DMRT1: variants seen among roughly 807,000 people sequenced by gnomAD.
DMRT1 encodes the protein doublesex and mab-3 related transcription factor 1.
Under a neutral mutation model 32.3 loss-of-function variants are expected in DMRT1, and 7 were observed. The observed-to-expected ratio is 0.22, with a 90% CI of 0.12 to 0.41. DMRT1 has a LOEUF of 0.41. Ranked by LOEUF, DMRT1 falls within the 10% of genes least tolerant of loss-of-function variation. The pLI, the probability that DMRT1 is intolerant of heterozygous loss-of-function variation, is 1.00. For synonymous variants in DMRT1, 278 were observed against 206.1 expected (o/e 1.35, Z -2.99); for missense variants, 625 against 500.5 (o/e 1.25, Z -2.37).
At chr9:941,338 C>CCCCCCCCCCA (rs1554760857) in intron 4 of DMRT1, among the ~76,000 whole-genome samples, 2 of 135,510 alleles carry the variant, frequency 1.5e-5, no homozygotes, top group Admixed American at 7.6e-5. Flanking sequence ...CTCCCCCCCC[C>CCCCCCCCCCA]CACACATATG....
chr9:879,155 CAG>C (rs1816630949), intron 2 of DMRT1, among the ~76,000 whole-genome samples: 2 of 152,114 alleles, frequency 1.3e-5, no homozygotes, highest in Admixed American at 1.3e-4. Context: ...CCTAAAAAGA[CAG>C]GGGCTGTTAA....
chr9:896,640 C>G (rs1817378967), intron 3 of DMRT1, among the ~76,000 whole-genome samples: 1 of 152,010 alleles, frequency 6.6e-6, no homozygotes, highest in South Asian at 2.1e-4. Context: ...TGGTGAAACC[C>G]TGTCTCTACT....
chr9:864,703 T>G (rs547474206), intron 2 of DMRT1, among the ~76,000 whole-genome samples: 1 of 150,932 alleles, frequency 6.6e-6, no homozygotes, highest in Non-Finnish European at 1.5e-5. Flanking sequence ...GGTTTCACCA[T>G]GTTAGCCAGG....
intron 4 of DMRT1, among the ~76,000 whole-genome samples, chr9:952,037 A>G (rs1819444412): frequency 6.6e-6 from 1 of 152,176 alleles, no homozygotes; most frequent in African/African-American, 2.4e-5. Flanking sequence ...CCTTTAATAG[A>G]TGAGGAATTG....
chr9:851,210 G>A (rs1839137396), intron 2 of DMRT1, among the ~76,000 whole-genome samples: 1 of 152,010 alleles, frequency 6.6e-6, no homozygotes, highest in South Asian at 2.1e-4. Flanking sequence ...TACTAGGTCA[G>A]TAGCTTAGTG....
At chr9:852,098 C>T (rs543465454) in intron 2 of DMRT1, among the ~76,000 whole-genome samples, 29 of 151,960 alleles carry the variant, frequency 1.9e-4, no homozygotes, top group African/African-American at 5.5e-4. Context: ...CACCACCACC[C>T]GTTTAATTTT....
At chr9:918,399 C>T (rs1207305757) in intron 4 of DMRT1, among the ~76,000 whole-genome samples, 1 of 152,046 alleles carries the variant, frequency 6.6e-6, no homozygotes, top group Admixed American at 6.6e-5. Context: ...CAGAGCAAGG[C>T]AGTAAGACAA....
In DMRT1 at chr9:842,351, C is replaced by T. The variant is rs1838725995; in HGVS notation, c.354+159C>T. On this transcript the variant is annotated intron_variant, in intron 1 of 4. Transcript: ENST00000382276. ...CCGGGTTCAAGCAATTCTCCTGCCT[C>T]AGCCTCCCAAGTAGCTGGGACTACA... The T allele has an allele frequency of 5.2e-6, 5 of 957,626 alleles. No individual in the cohort carries two copies. The African/African-American group carries it at 6.8e-5, about 13-fold the overall frequency. 59.3% of individuals were successfully genotyped at this position (957,626 alleles called of 1,614,324 possible).
chr9:879,416 A>T (rs1816642201), intron 2 of DMRT1, among the ~76,000 whole-genome samples: 1 of 152,226 alleles, frequency 6.6e-6, no homozygotes, highest in African/African-American at 2.4e-5. Context: ...GCATTGTTTC[A>T]CATTTTTGCA....
intron 4 of DMRT1, among the ~76,000 whole-genome samples, chr9:928,776 G>A (rs1465990539): frequency 2.6e-5 from 4 of 151,788 alleles, no homozygotes; most frequent in Non-Finnish European, 5.9e-5. Flanking sequence ...TTTAGTATAA[G>A]CATGTTATGA....
intron 3 of DMRT1, among the ~76,000 whole-genome samples, chr9:899,614 C>G (rs1377590552): frequency 6.6e-6 from 1 of 152,222 alleles, no homozygotes; most frequent in Non-Finnish European, 1.5e-5. Flanking sequence ...CTGGAACAAA[C>G]TCACAATGAA....
At chr9:941,861 T>TTA (rs1819084841) in intron 4 of DMRT1, among the ~76,000 whole-genome samples, 1 of 152,244 alleles carries the variant, frequency 6.6e-6, no homozygotes, top group Admixed American at 6.5e-5. Flanking sequence ...GGAATGATTC[T>TTA]TATATTCCTG....
intron 3 of DMRT1, among the ~76,000 whole-genome samples, chr9:896,285 CTTTTT>C (rs1195951813): frequency 8.2e-6 from 1 of 121,766 alleles, no homozygotes; most frequent in South Asian, 2.7e-4. Context: ...CTTGTCTTTT[CTTTTT>C]TTTTTTTTTT....
chr9:847,278 G>C, intron 2 of DMRT1, 135 bp downstream of exon 2: 2 of 933,972 alleles, frequency 2.1e-6, no homozygotes, highest in Non-Finnish European at 3.1e-6. Context: ...GATTCTCCCT[G>C]TGAAGGGCTG....
At chr9:948,077 A>C (rs1294373110) in intron 4 of DMRT1, among the ~76,000 whole-genome samples, 2 of 152,114 alleles carry the variant, frequency 1.3e-5, no homozygotes, top group Non-Finnish European at 2.9e-5. Context: ...GGAATTGGGT[A>C]ATTACTTATC....
intron 2 of DMRT1, among the ~76,000 whole-genome samples, chr9:861,712 CGGCT>C (rs1413680778): frequency 7.6e-6 from 1 of 131,756 alleles, no homozygotes; most frequent in Non-Finnish European, 1.6e-5. Flanking sequence ...CCAGACGGGG[CGGCT>C]GGCCGGGCAG....
At chr9:939,504 A>G (rs1050891636) in intron 4 of DMRT1, among the ~76,000 whole-genome samples, 1 of 152,160 alleles carries the variant, frequency 6.6e-6, no homozygotes, top group Non-Finnish European at 1.5e-5. Flanking sequence ...TTCCCCACAC[A>G]TGCTGAAAAT....
intron 3 of DMRT1, among the ~76,000 whole-genome samples, chr9:912,245 A>G (rs1818016881): frequency 6.6e-6 from 1 of 152,218 alleles, no homozygotes; most frequent in Non-Finnish European, 1.5e-5. Flanking sequence ...CCCATGATCC[A>G]ATCACCACCG....
rs2130014781 is a variant in DMRT1, at chr9:965,288, T to C, written c.968-2697T>C. Among the ~76,000 whole-genome samples the C allele has an allele frequency of 6.6e-6, 1 of 152,340 alleles. No individual in the cohort carries two copies. The highest frequency in any genetic ancestry group is 6.5e-5 in the Admixed American group (1 of 15,306). On this transcript the variant is annotated intron_variant, in intron 4 of 4. Transcript: ENST00000382276. This position sits in a 1 kb window ranked among gnomAD's most constrained non-coding sequence, Gnocchi z 4.5. ...AACAATGCTAAGCCTTGAACAAATG[T>C]AAAAATAGCATGGGTTTAAATTTTG...
Sources: allele counts gnomAD v4.1 joint callset (sites outside exome capture counted in the v4.1 genomes callset), GRCh38; gene constraint gnomAD v4.1.1; non-coding constraint Gnocchi (gnomAD v3.1); transcripts MANE v1.5; gene names NCBI Gene and HGNC (gene_info 2026-07-23, HGNC 2026-07-21).